Variants in FHIT observed in about 807,000 individuals in gnomAD.
The protein encoded by FHIT is bis(5'-adenosyl)-triphosphatase.
A neutral mutation model predicts 17.9 loss-of-function variants in FHIT; 19 were observed. The ratio of observed to expected loss-of-function variants is 1.06; its 90% confidence interval spans 0.74 to 1.56. FHIT has a LOEUF of 1.56. Ranked by LOEUF, FHIT falls within the 40% of genes most tolerant of loss-of-function variation. The probability of loss-of-function intolerance (pLI) is 0.00; values close to 1 mark genes in which losing one functional copy is unlikely to be tolerated. For missense variants in FHIT, 248 were observed against 189.2 expected (o/e 1.31, Z -1.82); for synonymous variants, 81 against 69.7 (o/e 1.16, Z -0.81).
At chr3:60,323,860 C>G (rs150190847) in intron 5 of FHIT, among the ~76,000 whole-genome samples, 1 of 152,110 alleles carries the variant, frequency 6.6e-6, no homozygotes, top group Non-Finnish European at 1.5e-5. Context: ...GGCCTGCCCA[C>G]GCTTTGTTAT....
chr3:60,465,987 T>A (rs192159329), intron 5 of FHIT, among the ~76,000 whole-genome samples: 2 of 152,214 alleles, frequency 1.3e-5, no homozygotes, highest in African/African-American at 4.8e-5. Flanking sequence ...AGAATGGGCA[T>A]TTTAACAGTA....
intron 4 of FHIT, among the ~76,000 whole-genome samples, chr3:60,568,301 T>C (rs961981335): frequency 6.6e-6 from 1 of 152,122 alleles, no homozygotes; most frequent in Non-Finnish European, 1.5e-5. Flanking sequence ...GTTCATATCC[T>C]TTATAGGGAC....
chr3:59,753,107 CTGT>C (rs773715556), intron 8 of FHIT, among the ~76,000 whole-genome samples: 6,323 of 152,176 alleles, frequency 0.042, 235 homozygotes, highest in South Asian at 0.21. Context: ...TCAAGGTGGC[CTGT>C]GGTTTACCTC....
chr3:60,258,616 G>T (rs1402794854), intron 5 of FHIT, among the ~76,000 whole-genome samples: 2 of 152,104 alleles, frequency 1.3e-5, no homozygotes, highest in African/African-American at 4.8e-5. Flanking sequence ...CTAAGTTCAT[G>T]GCTGAGGCAC....
intron 5 of FHIT, among the ~76,000 whole-genome samples, chr3:60,216,080 T>G (rs1703683527): frequency 6.6e-6 from 1 of 152,146 alleles, no homozygotes; most frequent in Non-Finnish European, 1.5e-5. Context: ...TGGTCCACAG[T>G]GATCAAAGGG....
chr3:60,539,368 T>G (rs1383730407), intron 4 of FHIT, among the ~76,000 whole-genome samples: 2 of 152,202 alleles, frequency 1.3e-5, no homozygotes, highest in African/African-American at 4.8e-5. Context: ...GTTCAACCAT[T>G]GTGGAAGACA....
chr3:59,877,077 C>A (rs1703197025), intron 8 of FHIT, among the ~76,000 whole-genome samples: 1 of 152,142 alleles, frequency 6.6e-6, no homozygotes, highest in African/African-American at 2.4e-5. Flanking sequence ...AGTGTGCTAA[C>A]CTTGAGCCAG....
chr3:60,099,349 C>G (rs961890507), intron 5 of FHIT, among the ~76,000 whole-genome samples: 2 of 152,122 alleles, frequency 1.3e-5, no homozygotes, highest in Admixed American at 1.3e-4. Context: ...AGGAACTGTG[C>G]TAAGCATGTG....
chr3:60,227,925 A>T (rs769109442), intron 5 of FHIT, among the ~76,000 whole-genome samples: 7 of 152,170 alleles, frequency 4.6e-5, no homozygotes, highest in African/African-American at 7.2e-5. Flanking sequence ...AACCATTTTA[A>T]AAAGCAATTA....
At chr3:60,223,733 T>C (rs953189361) in intron 5 of FHIT, among the ~76,000 whole-genome samples, 2 of 152,196 alleles carry the variant, frequency 1.3e-5, no homozygotes, top group African/African-American at 4.8e-5. Context: ...TGCTAATTGC[T>C]TTCTTAGCAC....
intron 2 of FHIT, among the ~76,000 whole-genome samples, chr3:61,045,194 G>C (rs547905218): frequency 3.9e-5 from 6 of 152,144 alleles, no homozygotes; most frequent in Non-Finnish European, 8.8e-5. Flanking sequence ...TGGCAAATTG[G>C]GTAAAGAGTC....
chr3:61,196,099 T>C (rs183141216), intron 2 of FHIT, among the ~76,000 whole-genome samples: 425 of 152,138 alleles, frequency 2.8e-3, no homozygotes, highest in African/African-American at 9.6e-3. Context: ...GTGGAAAGGA[T>C]CAGAGAGCTA....
chr3:61,159,140 A>C (rs2037617005), intron 2 of FHIT, among the ~76,000 whole-genome samples: 1 of 152,206 alleles, frequency 6.6e-6, no homozygotes, highest in Admixed American at 6.5e-5. Context: ...AAATAATTTA[A>C]AAATAATTTT....
chr3:59,905,755 G>A lies in FHIT; in HGVS notation c.348+16591C>T, dbSNP rs144971980. On this transcript the variant is annotated intron_variant, in intron 8 of 9. Transcript: ENST00000492590. ...ATAAAAGAATAGAAAACCCGAATACGTAACTTCCTCCTGTGACAGAAGAAC... is the reference window on the plus strand; with the variant it reads ...ATAAAAGAATAGAAAACCCGAATACATAACTTCCTCCTGTGACAGAAGAAC... Among the ~76,000 whole-genome samples the A allele has an allele frequency of 6.6e-5, 10 of 152,186 alleles. No individual in the cohort carries two copies. The East Asian group carries it at 9.6e-4, about 15-fold the overall frequency.
intron 5 of FHIT, among the ~76,000 whole-genome samples, chr3:60,519,889 C>A (rs560630247): frequency 7.2e-5 from 11 of 152,168 alleles, no homozygotes; most frequent in Non-Finnish European, 1.6e-4. Context: ...TACTGTGAAA[C>A]AATTTACTGG....
At chr3:60,083,237 T>A (rs1703363820) in intron 5 of FHIT, among the ~76,000 whole-genome samples, 1 of 152,176 alleles carries the variant, frequency 6.6e-6, no homozygotes, top group Non-Finnish European at 1.5e-5. Flanking sequence ...ATTGCTTAAT[T>A]TGTTGACTTT....
intron 2 of FHIT, among the ~76,000 whole-genome samples, chr3:61,131,342 G>T (rs542737194): frequency 1.3e-5 from 2 of 152,178 alleles, no homozygotes; most frequent in Non-Finnish European, 2.9e-5. Flanking sequence ...GCATCAGTAA[G>T]TTGCCATCCC....
chr3:60,225,776 C>A (rs139363486), intron 5 of FHIT, among the ~76,000 whole-genome samples: 241 of 152,232 alleles, frequency 1.6e-3, no homozygotes, highest in African/African-American at 5.5e-3. Context: ...AACAGACGGA[C>A]AGGGGAGCAA....
At chr3:60,580,893 C>T (rs1421956302) in intron 4 of FHIT, among the ~76,000 whole-genome samples, 4 of 151,968 alleles carry the variant, frequency 2.6e-5, no homozygotes, top group African/African-American at 9.7e-5. Flanking sequence ...GCAATTTTGT[C>T]CTGTACTTGG....
Sources: allele counts gnomAD v4.1 joint callset (sites outside exome capture counted in the v4.1 genomes callset), GRCh38; gene constraint gnomAD v4.1.1; transcripts MANE v1.5; gene names NCBI Gene and HGNC (gene_info 2026-07-23, HGNC 2026-07-21).